Variants in LOC128092252 observed in about 807,000 individuals in gnomAD.
chr15:50,650,376 T>C, the LOC128092252 span, among the ~76,000 whole-genome samples: 2 of 151,604 alleles, frequency 1.3e-5, no homozygotes, highest in African/African-American at 4.8e-5. Flanking sequence ...TCAAAAAAAG[T>C]ATCATTAAAT....
At chr15:50,670,804 G>GAAAAAGAAAAAAAAAA in the LOC128092252 span, among the ~76,000 whole-genome samples, 2 of 75,976 alleles carry the variant, frequency 2.6e-5, no homozygotes, top group East Asian at 3.3e-4. Context: ...GTAAAAAAAA[G>GAAAAAGAAAAAAAAAA]AAAAAGAAAA....
At chr15:50,672,012 C>CT in the LOC128092252 span, among the ~76,000 whole-genome samples, 1 of 152,092 alleles carries the variant, frequency 6.6e-6, no homozygotes, top group African/African-American at 2.4e-5. Context: ...CTAGACTACG[C>CT]TTTTTATGGT....
At chr15:50,670,176 G>A in the LOC128092252 span, among the ~76,000 whole-genome samples, 1 of 152,092 alleles carries the variant, frequency 6.6e-6, no homozygotes, top group African/African-American at 2.4e-5. Flanking sequence ...GCAAGAAGAG[G>A]TTACAAAAGG....
At chr15:50,654,232 G>A in the LOC128092252 span, among the ~76,000 whole-genome samples, 1 of 151,646 alleles carries the variant, frequency 6.6e-6, no homozygotes, top group South Asian at 2.1e-4. Context: ...GATCACCTGA[G>A]GTCAGGAGTT....
the LOC128092252 span, among the ~76,000 whole-genome samples, chr15:50,676,231 C>G: frequency 6.6e-6 from 1 of 152,100 alleles, no homozygotes; most frequent in African/African-American, 2.4e-5. Context: ...CTAGATGCTG[C>G]TAGCAAAAAT....
At chr15:50,679,538 A>ATATATTTT in the LOC128092252 span, among the ~76,000 whole-genome samples, 20 of 43,900 alleles carry the variant, frequency 4.6e-4, 1 homozygote, top group African/African-American at 2.1e-3. Flanking sequence ...ATATATATAT[A>ATATATTTT]TTTTTTTTTT....
the LOC128092252 span, among the ~76,000 whole-genome samples, chr15:50,669,634 A>G: frequency 6.6e-6 from 1 of 152,200 alleles, no homozygotes; most frequent in Non-Finnish European, 1.5e-5. Flanking sequence ...AAAATGGGAC[A>G]CTGGAGTGAG....
the LOC128092252 span, among the ~76,000 whole-genome samples, chr15:50,667,557 A>C: frequency 2.0e-5 from 3 of 152,160 alleles, no homozygotes; most frequent in South Asian, 2.1e-4. Context: ...AATACAAAAA[A>C]TTAGCTGGGA....
the LOC128092252 span, among the ~76,000 whole-genome samples, chr15:50,672,499 G>C: frequency 2.6e-5 from 4 of 152,060 alleles, no homozygotes; most frequent in African/African-American, 7.2e-5. Flanking sequence ...CAAGATGAGA[G>C]GTGGAAGACA....
At chr15:50,658,748 C>G in the LOC128092252 span, among the ~76,000 whole-genome samples, 1,332 of 152,288 alleles carry the variant, frequency 8.7e-3, 21 homozygotes, top group African/African-American at 0.03. Context: ...TAAAACACAT[C>G]TGTAGTATAC....
the LOC128092252 span, among the ~76,000 whole-genome samples, chr15:50,672,986 G>C: frequency 2.0e-5 from 3 of 148,146 alleles, no homozygotes; most frequent in Middle Eastern, 3.6e-3. Context: ...TGTTTTATAC[G>C]AAGTGTTATT....
chr15:50,676,877 C>T, the LOC128092252 span, among the ~76,000 whole-genome samples: 3 of 152,126 alleles, frequency 2.0e-5, no homozygotes, highest in African/African-American at 7.2e-5. Context: ...AATATTAATT[C>T]TACACAAATC....
the LOC128092252 span, chr15:50,657,715 A>G: frequency 5.7e-6 from 8 of 1,395,678 alleles, no homozygotes; most frequent in Middle Eastern, 7.2e-4. Flanking sequence ...GTTCTAACTC[A>G]TATTTCTAAT....
the LOC128092252 span, among the ~76,000 whole-genome samples, chr15:50,664,892 G>A: frequency 6.6e-6 from 1 of 152,152 alleles, no homozygotes; most frequent in African/African-American, 2.4e-5. Flanking sequence ...TTGAGCCTGG[G>A]AGGTCAAGGC....
the LOC128092252 span, among the ~76,000 whole-genome samples, chr15:50,679,537 TA>T: frequency 0.19 from 5,983 of 30,910 alleles, 190 homozygotes; most frequent in East Asian, 0.28. Context: ...TATATATATA[TA>T]TTTTTTTTTT....
chr15:50,679,842 G>A, the LOC128092252 span, among the ~76,000 whole-genome samples: 3 of 151,852 alleles, frequency 2.0e-5, no homozygotes, highest in Admixed American at 2.0e-4. Context: ...GTCTTTTCCT[G>A]CTGCTTTTAA....
chr15:50,660,764 A>T, the LOC128092252 span, among the ~76,000 whole-genome samples: 1 of 151,672 alleles, frequency 6.6e-6, no homozygotes, highest in East Asian at 1.9e-4. Context: ...CTGGGTGATC[A>T]TTTATATTCC....
At chr15:50,686,320 G>C in the LOC128092252 span, among the ~76,000 whole-genome samples, 1 of 152,212 alleles carries the variant, frequency 6.6e-6, no homozygotes, top group African/African-American at 2.4e-5. Flanking sequence ...CCGCGAAGAG[G>C]TGTCGCCTCT....
the LOC128092252 span, chr15:50,648,832 G>GC: frequency 6.2e-7 from 1 of 1,612,636 alleles, no homozygotes; most frequent in Non-Finnish European, 8.5e-7. Flanking sequence ...GTATTTCATG[G>GC]CAAGACTTGC....
Sources: gnomAD v4.1 joint callset for allele counts (sites outside exome capture counted in the v4.1 genomes callset) on GRCh38, gnomAD v4.1.1 for gene constraint, MANE v1.5 for transcripts.